Variants in KCNT2 observed in about 807,000 individuals in gnomAD.
KCNT2 encodes potassium channel subfamily T member 2.
A neutral mutation model predicts 153.8 loss-of-function variants in KCNT2; 67 were observed. That is an observed-to-expected ratio of 0.44 (90% CI 0.36 to 0.53). KCNT2 has a LOEUF of 0.53. KCNT2 is among the 20% of genes least tolerant of loss of function. The pLI, the probability that KCNT2 is intolerant of heterozygous loss-of-function variation, is 0.00. For missense variants in KCNT2, 975 were observed against 1,354.8 expected (o/e 0.72, Z 4.40); for synonymous variants, 500 against 458.8 (o/e 1.09, Z -1.15).
chr1:196,255,304 G>C (rs1656377367), intron 26 of KCNT2, among the ~76,000 whole-genome samples: 1 of 151,680 alleles, frequency 6.6e-6, no homozygotes, highest in African/African-American at 2.4e-5. Context: ...ATCTTCATTT[G>C]ATGGTGGACA....
chr1:196,274,014 T>C, intron 25 of KCNT2, among the ~76,000 whole-genome samples: 1 of 151,844 alleles, frequency 6.6e-6, no homozygotes. Flanking sequence ...ATTGACATTC[T>C]ATAATCATTA....
At chr1:196,334,673 A>G (rs1664835965) in intron 16 of KCNT2, among the ~76,000 whole-genome samples, 1 of 151,752 alleles carries the variant, frequency 6.6e-6, no homozygotes, top group Non-Finnish European at 1.5e-5. Context: ...TTTGTATTAA[A>G]TGAATATTTA....
chr1:196,410,319 T>C (rs1412469049), intron 12 of KCNT2, among the ~76,000 whole-genome samples: 4 of 150,478 alleles, frequency 2.7e-5, no homozygotes, highest in South Asian at 4.2e-4. Flanking sequence ...ATAAGTTTAT[T>C]GCTTTTTTTT....
intron 14 of KCNT2, among the ~76,000 whole-genome samples, chr1:196,362,074 G>A (rs927424895): frequency 5.3e-5 from 8 of 152,026 alleles, no homozygotes; most frequent in Non-Finnish European, 1.5e-5. Flanking sequence ...AAACTTCCAA[G>A]GGAACTAAAA....
intron 12 of KCNT2, among the ~76,000 whole-genome samples, chr1:196,418,377 C>T (rs1672920187): frequency 6.6e-6 from 1 of 151,928 alleles, no homozygotes; most frequent in Non-Finnish European, 1.5e-5. Context: ...AATAATTAGC[C>T]AGGCATGGTA....
chr1:196,305,168 AT>A, intron 22 of KCNT2, 65 bp downstream of exon 22: 1 of 930,844 alleles, frequency 1.1e-6, no homozygotes, highest in Non-Finnish European at 1.7e-6. Context: ...TTTTTTATAT[AT>A]TTACAGAGTT....
intron 2 of KCNT2, among the ~76,000 whole-genome samples, chr1:196,490,150 CT>C (rs1240661927): frequency 2.6e-5 from 4 of 151,830 alleles, no homozygotes; most frequent in African/African-American, 9.6e-5. Context: ...AATACTTGAA[CT>C]GCAAATGAGA....
rs560138248 is a variant in KCNT2 at position 196,487,133 on chromosome 1, G to C, written c.275+2705C>G. Among the ~76,000 whole-genome samples, 5 of 151,990 alleles carry C rather than the reference G, an allele frequency of 3.3e-5. No homozygotes were observed. In the South Asian group the frequency reaches 8.3e-4, roughly 25 times the overall value. Reference sequence around the variant, plus strand: ...TTCATTCTCCCCCTTCCACGGCATAGAGTCGAGTGCAAAAAAGTCACTCTT... The same window carrying C: ...TTCATTCTCCCCCTTCCACGGCATACAGTCGAGTGCAAAAAAGTCACTCTT... On this transcript the variant is annotated intron_variant, in intron 3 of 27. Coordinates refer to ENST00000294725, the MANE Select transcript of KCNT2 (RefSeq NM_198503.5).
intron 7 of KCNT2, among the ~76,000 whole-genome samples, chr1:196,466,463 C>A (rs2148663164): frequency 6.6e-6 from 1 of 152,002 alleles, no homozygotes; most frequent in East Asian, 1.9e-4. Context: ...TCCAAATATT[C>A]CTTTAGGCCA....
At chr1:196,242,869 T>C (rs1571767908) in intron 26 of KCNT2, among the ~76,000 whole-genome samples, 2 of 152,294 alleles carry the variant, frequency 1.3e-5, no homozygotes, top group East Asian at 1.9e-4. Flanking sequence ...AAACATATCA[T>C]TGAAGTTATT....
At chr1:196,507,120 C>T (rs952555527) in intron 1 of KCNT2, among the ~76,000 whole-genome samples, 3 of 151,924 alleles carry the variant, frequency 2.0e-5, no homozygotes, top group African/African-American at 7.3e-5. Flanking sequence ...TCAAAGAATA[C>T]ATCAGTAATA....
In KCNT2 at chr1:196,236,959, C is replaced by A. The variant is rs1474895072; in HGVS notation, c.3212-889G>T. 2.6e-5 allele frequency among the ~76,000 whole-genome samples: 4 copies of A among 151,510 alleles called. No individual in the cohort carries two copies. The East Asian group carries it at 7.7e-4, about 29-fold the overall frequency. On this transcript the variant is annotated intron_variant, in intron 26 of 27. Coordinates refer to ENST00000294725, the MANE Select transcript of KCNT2 (RefSeq NM_198503.5). ...AGTTTTCAGTCTATGAGAATTCTCT[C>A]AAAAATCCTGTTTTTGAGCTATAGT...
intron 1 of KCNT2, among the ~76,000 whole-genome samples, chr1:196,566,410 G>A (rs113723463): frequency 1.1e-3 from 165 of 152,100 alleles, no homozygotes; most frequent in Middle Eastern, 6.8e-3. Flanking sequence ...AGAAGGAATG[G>A]GGATACACAA....
intron 1 of KCNT2, among the ~76,000 whole-genome samples, chr1:196,543,071 T>G (rs1351682150): frequency 6.6e-6 from 1 of 152,138 alleles, no homozygotes; most frequent in Non-Finnish European, 1.5e-5. Context: ...TTATGAATTA[T>G]TTAGCAAATG....
At chr1:196,518,954 T>C (rs1652978923) in intron 1 of KCNT2, among the ~76,000 whole-genome samples, 1 of 152,148 alleles carries the variant, frequency 6.6e-6, no homozygotes, top group Non-Finnish European at 1.5e-5. Flanking sequence ...GATAGACCTC[T>C]ACAGAACTCT....
chr1:196,382,115 T>TTTATTTATTTATTTG (rs1669553015), intron 13 of KCNT2, among the ~76,000 whole-genome samples: 1 of 29,456 alleles, frequency 3.4e-5, no homozygotes, highest in Non-Finnish European at 1.0e-4. Context: ...TTATTTATTT[T>TTTATTTATTTATTTG]TGAGATGGAG....
chr1:196,398,029 T>C (rs1671094274), intron 13 of KCNT2, among the ~76,000 whole-genome samples: 1 of 151,484 alleles, frequency 6.6e-6, no homozygotes, highest in Non-Finnish European at 1.5e-5. Flanking sequence ...TCATGTGATC[T>C]GTCATTTTTA....
intron 1 of KCNT2, among the ~76,000 whole-genome samples, chr1:196,512,853 G>C (rs1335044426): frequency 6.6e-6 from 1 of 152,130 alleles, no homozygotes; most frequent in Non-Finnish European, 1.5e-5. Context: ...TGAAAGTACT[G>C]TGATGTGCAG....
At chr1:196,511,421 G>C (rs1010179296) in intron 1 of KCNT2, among the ~76,000 whole-genome samples, 1 of 152,110 alleles carries the variant, frequency 6.6e-6, no homozygotes, top group Non-Finnish European at 1.5e-5. Flanking sequence ...ATCATTGCAT[G>C]AACTAAGAAA....
Sources: allele counts gnomAD v4.1 joint callset (sites outside exome capture counted in the v4.1 genomes callset), GRCh38; gene constraint gnomAD v4.1.1; transcripts MANE v1.5; gene names NCBI Gene and HGNC (gene_info 2026-07-23, HGNC 2026-07-21).